Variants in MYH15 observed in about 807,000 individuals in gnomAD.
MYH15 encodes the protein myosin heavy chain 15, also known as myosin-15.
MYH15 carries 227 observed loss-of-function variants against 240.5 expected under a neutral mutation model. The observed-to-expected ratio is 0.94, with a 90% confidence interval of 0.85 to 1.05. The LOEUF (loss-of-function observed/expected upper bound fraction) is 1.05, where lower values mean the gene tolerates loss of function less well. Ranked by LOEUF, MYH15 falls within the 50% of genes least tolerant of loss-of-function variation. The pLI is 0.00. For synonymous variants in MYH15, 785 were observed against 796.7 expected (o/e 0.99, Z 0.25); for missense variants, 2,217 against 2,247.5 (o/e 0.99, Z 0.27).
At chr3:108,437,442 C>T (rs2082848552) in intron 25 of MYH15, 112 bp downstream of exon 25, 1 of 1,348,058 alleles carries the variant, frequency 7.4e-7, no homozygotes, top group Non-Finnish European at 1.0e-6. Context: ...TTATCCTTGC[C>T]TTGGGTCTTG....
In MYH15 at chr3:108,469,086, T is replaced by G. The variant is rs1002390793; in HGVS notation, c.1554+956A>C. Reference sequence around the variant, plus strand: ...TAAAATAAATAAAATCAACGGGATATCTACTCCTGTTGGAAATAATAGTTA... The same window carrying G: ...TAAAATAAATAAAATCAACGGGATAGCTACTCCTGTTGGAAATAATAGTTA... On this transcript the variant is annotated intron_variant, in intron 14 of 40. Transcript: ENST00000693548. Among the ~76,000 whole-genome samples the G allele has an allele frequency of 2.0e-5, 3 of 152,188 alleles. No homozygotes were observed. The South Asian group carries it at 6.2e-4, about 31-fold the overall frequency.
chr3:108,522,299 A>G (rs1216358450), intron 1 of MYH15, among the ~76,000 whole-genome samples: 6 of 152,094 alleles, frequency 3.9e-5, no homozygotes, highest in Non-Finnish European at 8.8e-5. Flanking sequence ...TTGGTAGTTG[A>G]CAAATCTAAA....
At chr3:108,476,310 C>A in intron 12 of MYH15, 87 bp downstream of exon 12, 2 of 799,320 alleles carry the variant, frequency 2.5e-6, no homozygotes, top group Middle Eastern at 3.7e-4. Flanking sequence ...TTGCAAACAT[C>A]CTTAGTAGTT....
At chr3:108,387,540 A>G (rs926388469) in intron 38 of MYH15, among the ~76,000 whole-genome samples, 1 of 152,248 alleles carries the variant, frequency 6.6e-6, no homozygotes, top group African/African-American at 2.4e-5. Flanking sequence ...AAAAAAATAT[A>G]TAACTTTGGT....
upstream of MYH15, among the ~76,000 whole-genome samples, chr3:108,533,982 C>A (rs537407132): frequency 2.0e-5 from 3 of 152,286 alleles, no homozygotes; most frequent in Admixed American, 2.0e-4. Context: ...TAGATCTTTA[C>A]CATAAGCATT....
intron 27 of MYH15, among the ~76,000 whole-genome samples, chr3:108,424,720 A>G (rs1226668043): frequency 6.6e-6 from 1 of 152,252 alleles, no homozygotes; most frequent in Non-Finnish European, 1.5e-5. Flanking sequence ...TCTTGCCATT[A>G]TAATTCATAA....
chr3:108,489,536 T>G (rs1245237556), intron 9 of MYH15, among the ~76,000 whole-genome samples: 1 of 152,128 alleles, frequency 6.6e-6, no homozygotes, highest in African/African-American at 2.4e-5. Flanking sequence ...CAGATATAAT[T>G]GAGAGCAAAG....
At chr3:108,408,815 C>T (rs1013695292) in intron 31 of MYH15, among the ~76,000 whole-genome samples, 3 of 152,144 alleles carry the variant, frequency 2.0e-5, no homozygotes, top group Non-Finnish European at 4.4e-5. Flanking sequence ...CTCAACACTG[C>T]GACAGGAACT....
At chr3:108,451,129 C>T (rs982210988) in intron 21 of MYH15, among the ~76,000 whole-genome samples, 9 of 152,128 alleles carry the variant, frequency 5.9e-5, no homozygotes, top group African/African-American at 2.2e-4. Flanking sequence ...CCTGTAATCC[C>T]AACACTTTGG....
chr3:108,456,173 G>A (rs1179724351), intron 19 of MYH15, among the ~76,000 whole-genome samples: 1 of 152,170 alleles, frequency 6.6e-6, no homozygotes, highest in African/African-American at 2.4e-5. Context: ...TATAGATAAG[G>A]AAACTGAAAA....
chr3:108,482,616 T>C (rs2083275760), intron 11 of MYH15, among the ~76,000 whole-genome samples: 1 of 152,172 alleles, frequency 6.6e-6, no homozygotes, highest in Non-Finnish European at 1.5e-5. Flanking sequence ...TATAAGATGT[T>C]TACAAGATCT....
chr3:108,512,743 C>G (rs2083531086), upstream of MYH15, among the ~76,000 whole-genome samples: 1 of 152,060 alleles, frequency 6.6e-6, no homozygotes, highest in South Asian at 2.1e-4. Flanking sequence ...ATGAAAAGAT[C>G]ACAGCAAAAC....
rs772642933 is a variant in MYH15, at chr3:108,384,689, C to A, written c.5629G>T (p.Ala1877Ser). Reference protein sequence around the residue: ...VQNYKQQVEVAETQANQYLSK... With the variant: ...VQNYKQQVEVSETQANQYLSK... Reference sequence around the variant, plus strand: ...CTGAAACTTCCCCAGGCACTCACCGCCACCTCGACTTGCTGCTTGTAATTT... The same window carrying A: ...CTGAAACTTCCCCAGGCACTCACCGACACCTCGACTTGCTGCTTGTAATTT... The change falls in exon 39 of 41, where the codon GCG (alanine) becomes TCG (serine). Residue 1877 changes from alanine to serine, a missense_variant and splice_region_variant. Ala to Ser is a moderately conservative substitution (Grantham distance 99). Transcript: ENST00000693548. 1.9e-6 allele frequency: 3 copies of A among 1,613,188 alleles called. No individual in the cohort carries two copies. In the Admixed American group the frequency reaches 5.0e-5, roughly 27 times the overall value.
chr3:108,532,634 G>T (rs1309274280), upstream of MYH15, among the ~76,000 whole-genome samples: 1 of 152,082 alleles, frequency 6.6e-6, no homozygotes, highest in East Asian at 1.9e-4. Flanking sequence ...TGCTCTCTCT[G>T]TACACACATA....
In MYH15 at chr3:108,408,292, C is replaced by T; in HGVS notation, c.4608G>A (p.Leu1536=). The part of the protein sequence containing the change: ...EEEKTEVQVT[L]EETEGALERN... ...CTGGTGATAATACCTCTGTTTCTTC[C>T]AGTGTCACCTGGACTTCTGTCTTCT... Residue 1536 remains leucine, a synonymous_variant, in exon 32 of 41, where the codon CTG becomes CTA. Coordinates refer to ENST00000693548, the MANE Select transcript of MYH15 (RefSeq NM_014981.3). The T allele has an allele frequency of 6.2e-7, 1 of 1,611,962 alleles. No individual in the cohort carries two copies. Among genetic ancestry groups the T allele is most frequent in the Non-Finnish European group, 8.5e-7 (1 of 1,179,504 alleles).
chr3:108,523,074 T>C (rs553119943), intron 1 of MYH15, among the ~76,000 whole-genome samples: 1 of 152,100 alleles, frequency 6.6e-6, no homozygotes, highest in Non-Finnish European at 1.5e-5. Context: ...CTTGTTACAA[T>C]GTAAGATCAT....
At chr3:108,525,787 G>A (rs769785595) in intron 1 of MYH15, among the ~76,000 whole-genome samples, 2 of 152,076 alleles carry the variant, frequency 1.3e-5, no homozygotes, top group Admixed American at 6.6e-5. Context: ...TCTATCTGCT[G>A]TTTGGACCCG....
rs2082774422 is a variant in MYH15, at chr3:108,431,000, C to T, written c.3222-78G>A. ...TAAAGTAGTTAGAATTGTAATATTC[C>T]TAACACAAAGAAAAGATAAATGTTT... On this transcript the variant is annotated intron_variant, in intron 25 of 40. Coordinates refer to ENST00000693548, the MANE Select transcript of MYH15 (RefSeq NM_014981.3). 12 of 962,740 alleles carry T rather than the reference C, an allele frequency of 1.2e-5. No homozygotes were observed. In the East Asian group the frequency reaches 3.1e-4, roughly 25 times the overall value. The allele number at this position is 962,740 out of a possible 1,614,324, so 59.6% of individuals were successfully genotyped here.
chr3:108,385,198 A>C (rs1049698771), intron 38 of MYH15, among the ~76,000 whole-genome samples: 2 of 152,222 alleles, frequency 1.3e-5, no homozygotes, highest in East Asian at 3.8e-4. Flanking sequence ...TAGCTAAATA[A>C]AAAGCTGTAT....
Sources: gnomAD v4.1 joint callset for allele counts (sites outside exome capture counted in the v4.1 genomes callset) on GRCh38, gnomAD v4.1.1 for gene constraint, MANE v1.5 for transcripts, NCBI Gene and HGNC (gene_info 2026-07-23, HGNC 2026-07-21) for gene names.